Variants in RAB7A observed in about 807,000 individuals in gnomAD.
RAB7A encodes ras-related protein Rab-7a.
In RAB7A, 2 loss-of-function variants were observed where a neutral mutation model predicts 24.5. That is an observed-to-expected ratio of 0.08 (90% CI 0.03 to 0.26). RAB7A has a LOEUF of 0.26. Among genes scored for constraint, RAB7A ranks in the 10% least tolerant of loss-of-function variants. RAB7A has a pLI of 1.00. For missense variants in RAB7A, 118 were observed against 255.7 expected (o/e 0.46, Z 3.67); for synonymous variants, 100 against 95.9 (o/e 1.04, Z -0.25).
chr3:128,769,432 CT>C (rs1345271288), intron 1 of RAB7A, among the ~76,000 whole-genome samples: 30 of 152,242 alleles, frequency 2.0e-4, no homozygotes, highest in African/African-American at 7.0e-4. Flanking sequence ...CCTGCTTATT[CT>C]TTGGTGAAGC....
At position 128,798,820 on chromosome 3, in the gene RAB7A, TTAA is replaced by T. The variant is rs1318543243; in HGVS notation, c.180+752_180+754del. 6.3e-3 allele frequency: 1,047 copies of T among 167,098 alleles called. 1 individual carries two copies. The highest frequency in any genetic ancestry group is 0.018 in the South Asian group (299 of 16,368). 10.4% of individuals were successfully genotyped at this position (167,098 alleles called of 1,614,324 possible). On this transcript the variant is annotated intron_variant, in intron 3 of 5. Transcript: ENST00000265062. ...ATGGAGTGAGACCCTGTCTCTAAAT[TTAA>T]AAAAAAAAAAAAAAAAAAAAAAGAA... is the stretch of plus-strand genomic sequence containing the variant.
At chr3:128,737,326 A>G (rs995094326) in intron 1 of RAB7A, among the ~76,000 whole-genome samples, 4 of 134,580 alleles carry the variant, frequency 3.0e-5, no homozygotes, top group African/African-American at 1.1e-4. Context: ...GGCGTGAGCC[A>G]CCGCTCCCGG....
chr3:128,737,183 G>T (rs927408717), intron 1 of RAB7A, among the ~76,000 whole-genome samples: 2 of 151,512 alleles, frequency 1.3e-5, no homozygotes, highest in African/African-American at 4.9e-5. Flanking sequence ...GACTACAGGC[G>T]CCCGCCACCA....
At chr3:128,809,279 G>A (rs1218712665) in intron 5 of RAB7A, among the ~76,000 whole-genome samples, 2 of 152,180 alleles carry the variant, frequency 1.3e-5, no homozygotes, top group Non-Finnish European at 2.9e-5. Flanking sequence ...TTTCCCCAAG[G>A]GGAATAACAT....
At chr3:128,811,003 G>C (rs911862606) in intron 5 of RAB7A, among the ~76,000 whole-genome samples, 4 of 151,746 alleles carry the variant, frequency 2.6e-5, no homozygotes, top group Admixed American at 2.6e-4. Flanking sequence ...GCAGTGAGCC[G>C]AGATTGCACC....
At chr3:128,799,856 C>G (rs940691001) in intron 3 of RAB7A, among the ~76,000 whole-genome samples, 2 of 152,134 alleles carry the variant, frequency 1.3e-5, no homozygotes, top group Non-Finnish European at 2.9e-5. Flanking sequence ...GGTAAGACCA[C>G]TCTGTAGGGA....
At chr3:128,764,825 C>G in intron 1 of RAB7A, 1 of 966,666 alleles carries the variant, frequency 1.0e-6, no homozygotes, top group Non-Finnish European at 1.7e-6. Flanking sequence ...TCGGCATGTT[C>G]CCTCTCCTCA....
At chr3:128,807,778 G>T in intron 5 of RAB7A, 107 bp downstream of exon 5, 1 of 1,507,770 alleles carries the variant, frequency 6.6e-7, no homozygotes, top group Non-Finnish European at 9.2e-7. Flanking sequence ...ACTCTTTTCT[G>T]TATAGCCAGA....
chr3:128,753,445 CGT>C (rs1194956069), intron 1 of RAB7A, among the ~76,000 whole-genome samples: 1 of 151,910 alleles, frequency 6.6e-6, no homozygotes, highest in African/African-American at 2.4e-5. Context: ...ATTTCGTATG[CGT>C]GTGTGTGTTT....
Position 128,813,494 on chromosome 3 carries a change from CT to C in RAB7A, c.*73del. On this transcript the variant is annotated 3_prime_UTR_variant, in exon 6 of 6. Transcript: ENST00000265062. The stretch of plus-strand genomic sequence containing the variant: ...CACGTAGGCCTTCAACACAATTCCC[CT>C]CTCCTCTTCCAAACAAAACATACAT... The C allele has an allele frequency of 7.2e-7, 1 of 1,379,436 alleles. No individual in the cohort carries two copies. Among genetic ancestry groups the C allele is most frequent in the African/African-American group, 1.4e-5 (1 of 70,290 alleles). The allele number at this position is 1,379,436 out of a possible 1,614,324, so 85.4% of individuals were successfully genotyped here. A position where few individuals can be genotyped will look rare whatever the true frequency, so the allele number is the denominator to read the frequency against.
intron 5 of RAB7A, among the ~76,000 whole-genome samples, chr3:128,811,238 C>T (rs928024927): frequency 6.6e-6 from 1 of 152,116 alleles, no homozygotes; most frequent in East Asian, 1.9e-4. Context: ...GCAGTCTTCC[C>T]ACCATAGCCT....
chr3:128,754,352 A>T (rs2070711701), intron 1 of RAB7A, among the ~76,000 whole-genome samples: 1 of 152,214 alleles, frequency 6.6e-6, no homozygotes, highest in African/African-American at 2.4e-5. Context: ...TTCACATCAG[A>T]GTAGTATAAC....
At chr3:128,761,280 G>T (rs904561627) in intron 1 of RAB7A, among the ~76,000 whole-genome samples, 4 of 152,140 alleles carry the variant, frequency 2.6e-5, no homozygotes, top group Admixed American at 6.5e-5. Context: ...AACCCCTTTT[G>T]TGTTGAGAGT....
intron 1 of RAB7A, among the ~76,000 whole-genome samples, chr3:128,760,790 T>C (rs2070770739): frequency 6.6e-6 from 1 of 152,218 alleles, no homozygotes; most frequent in Non-Finnish European, 1.5e-5. Context: ...TGAAATCTTT[T>C]GTGGTCGAAT....
rs1463924258 is a variant in RAB7A, at chr3:128,795,356, T to C, written c.-8-4T>C. 7 of 1,609,012 alleles carry C rather than the reference T, an allele frequency of 4.4e-6. No individual in the cohort carries two copies. Among genetic ancestry groups the C allele is most frequent in the Non-Finnish European group, 6.0e-6 (7 of 1,175,516 alleles). ...CACAGTGATTTCTCCTTTTCCCCCTTTAGTTTGAAGGATGACCTCTAGGAA... is the reference window on the plus strand; with the variant it reads ...CACAGTGATTTCTCCTTTTCCCCCTCTAGTTTGAAGGATGACCTCTAGGAA... On this transcript the variant is annotated splice_region_variant and splice_polypyrimidine_tract_variant and intron_variant, in intron 1 of 5. Coordinates refer to ENST00000265062, the MANE Select transcript of RAB7A (RefSeq NM_004637.6).
chr3:128,788,072 C>G (rs1933378287), intron 1 of RAB7A, among the ~76,000 whole-genome samples: 1 of 152,216 alleles, frequency 6.6e-6, no homozygotes, highest in Non-Finnish European at 1.5e-5. Flanking sequence ...CTATCCCACC[C>G]AGGAAGTGAA....
intron 1 of RAB7A, among the ~76,000 whole-genome samples, chr3:128,728,289 A>T (rs927370294): frequency 6.6e-6 from 1 of 152,148 alleles, no homozygotes; most frequent in African/African-American, 2.4e-5. Context: ...AACCCAAAGG[A>T]TGGTGTTCTT....
intron 1 of RAB7A, among the ~76,000 whole-genome samples, chr3:128,741,021 T>TATA (rs961717805): frequency 1.3e-5 from 2 of 151,776 alleles, no homozygotes; most frequent in Non-Finnish European, 2.9e-5. Context: ...TATATAATTG[T>TATA]ATAATAAATG....
At chr3:128,764,249 C>A (rs1185013591) in intron 1 of RAB7A, among the ~76,000 whole-genome samples, 2 of 152,114 alleles carry the variant, frequency 1.3e-5, no homozygotes, top group African/African-American at 4.8e-5. Context: ...CGACCACATA[C>A]CACATTTCTG....
Sources: allele counts gnomAD v4.1 joint callset (sites outside exome capture counted in the v4.1 genomes callset), GRCh38; gene constraint gnomAD v4.1.1; transcripts MANE v1.5; gene names NCBI Gene and HGNC (gene_info 2026-07-23, HGNC 2026-07-21).